TDRD9: variants seen among roughly 807,000 people sequenced by gnomAD.
The protein encoded by TDRD9 is ATP-dependent RNA helicase TDRD9.
A neutral mutation model predicts 172.6 loss-of-function variants in TDRD9; 124 were observed. The ratio of observed to expected loss-of-function variants is 0.72; its 90% confidence interval spans 0.62 to 0.83. TDRD9 has a LOEUF of 0.83. TDRD9 is among the 40% of genes least tolerant of loss of function. The pLI is 0.00. For synonymous variants in TDRD9, 619 were observed against 617.1 expected (o/e 1.00, Z -0.05); for missense variants, 1,479 against 1,714.1 (o/e 0.86, Z 2.42).
At chr14:104,038,467 G>C (rs570540039) in intron 32 of TDRD9, among the ~76,000 whole-genome samples, 67 of 152,318 alleles carry the variant, frequency 4.4e-4, no homozygotes, top group African/African-American at 1.5e-3. Flanking sequence ...ATGGCTTGTT[G>C]TGTTCCCAAT....
intron 11 of TDRD9, among the ~76,000 whole-genome samples, chr14:103,995,217 C>A (rs10132153): frequency 0.38 from 58,326 of 152,026 alleles, 11,398 homozygotes; most frequent in African/African-American, 0.43. Flanking sequence ...GGTTAGAAGC[C>A]ATATTCTAGG....
chr14:103,956,149 T>TATATATATATATATATATATATATATAA (rs1566738502), intron 2 of TDRD9, among the ~76,000 whole-genome samples: 1 of 102,074 alleles, frequency 9.8e-6, no homozygotes, highest in Non-Finnish European at 1.9e-5. Context: ...TATATATATA[T>TATATATATATATATATATATATATATAA]AATTATTAGG....
At position 103,980,064 on chromosome 14, in the gene TDRD9, A is replaced by C. The variant is rs1401804324; in HGVS notation, c.1011+4511A>C. Among the ~76,000 whole-genome samples the C allele has an allele frequency of 1.3e-5, 2 of 151,874 alleles. No homozygotes were observed. Among genetic ancestry groups the C allele is most frequent in the African/African-American group, 4.8e-5 (2 of 41,306 alleles). On this transcript the variant is annotated intron_variant, in intron 7 of 35. Coordinates refer to ENST00000409874, the MANE Select transcript of TDRD9 (RefSeq NM_153046.3). This position sits in a 1 kb window ranked among gnomAD's most constrained non-coding sequence, Gnocchi z 4.5. ...CTAATTAAAAAAAATTTTTTTGTGG[A>C]GATAGGGTCTTGCTATGTTGTCCAG...
chr14:103,966,542 A>G (rs2032755606), intron 4 of TDRD9, among the ~76,000 whole-genome samples, 167 bp from the exon 5 acceptor site: 1 of 151,642 alleles, frequency 6.6e-6, no homozygotes, highest in Admixed American at 6.6e-5. Flanking sequence ...CTCCCCCCAA[A>G]AAAGAAGAAA....
intron 6 of TDRD9, among the ~76,000 whole-genome samples, chr14:103,972,399 A>G (rs1253464692): frequency 2.6e-5 from 4 of 152,264 alleles, no homozygotes; most frequent in South Asian, 2.1e-4. Context: ...ATTTGAGAAC[A>G]GAGTATGTAC....
intron 5 of TDRD9, among the ~76,000 whole-genome samples, chr14:103,967,347 C>CAAAAAAAAA (rs11444885): frequency 2.2e-4 from 11 of 49,732 alleles, no homozygotes; most frequent in African/African-American, 4.8e-4. Context: ...ACTAAAAATA[C>CAAAAAAAAA]AAAAAAAAAA....
chr14:104,040,607 C>A (rs766443379), intron 33 of TDRD9, among the ~76,000 whole-genome samples: 1 of 152,188 alleles, frequency 6.6e-6, no homozygotes, highest in African/African-American at 2.4e-5. Flanking sequence ...CTTTTCTGGG[C>A]AATCAGCTAA....
rs990586768 is a variant in TDRD9, at chr14:103,965,429, T to C, written c.517T>C (p.Tyr173His). 1 of 1,551,652 alleles carries C rather than the reference T, an allele frequency of 6.4e-7. No individual in the cohort carries two copies. The highest frequency in any genetic ancestry group is 1.4e-5 in the African/African-American group (1 of 73,152). The change falls in exon 4 of 36, where the codon TAC (tyrosine) becomes CAC (histidine). Residue 173 changes from tyrosine (Y) to histidine (H), a missense_variant. Transcript: ENST00000409874. ...TQLPQYILDH[Y>H]VQRSAYCSIV... is the part of the protein sequence containing the mutation. The stretch of plus-strand genomic sequence containing the variant: ...GCTCCCGCAGTATATCTTGGACCAC[T>C]ACGTTCAGCGCTCCGCCTACTGCAG...
chr14:103,966,651 A>C (rs2032760684), intron 4 of TDRD9, 58 bp from the exon 5 acceptor site: 8 of 1,438,726 alleles, frequency 5.6e-6, no homozygotes, highest in African/African-American at 1.4e-5. Context: ...ATATTAATAA[A>C]ATGGACATAA....
chr14:103,933,348 C>T (rs2030531363), intron 1 of TDRD9, among the ~76,000 whole-genome samples: 1 of 152,168 alleles, frequency 6.6e-6, no homozygotes, highest in Non-Finnish European at 1.5e-5. Flanking sequence ...GTGCTTTCTG[C>T]CGTGTACTTT....
chr14:104,024,666 A>C lies in TDRD9; in HGVS notation c.2704A>C (p.Ile902Leu). The change falls in exon 25 of 36, where the codon ATT becomes CTT. Residue 902 changes from isoleucine to leucine, a missense_variant. This residue lies in a region of TDRD9 where 1,413 missense variants were observed against 1,649.1 expected (regional missense o/e 0.86). Coordinates refer to ENST00000409874, the MANE Select transcript of TDRD9 (RefSeq NM_153046.3). ...GACAGTTACAGATCTCCTTCTAACT[A>C]TTGATGTCACAGAGGTAAGGATGAA... The part of the protein sequence containing the change: ...SQTVTDLLLT[I>L]DVTEVVEVGH... 6.2e-7 allele frequency: 1 copy of C among 1,600,046 alleles called. No homozygotes were observed. Among genetic ancestry groups the C allele is most frequent in the Admixed American group, 1.7e-5 (1 of 59,600 alleles).
At chr14:103,962,965 AGTGT>A (rs55873775) in intron 2 of TDRD9, 110 bp from the exon 3 acceptor site, 77 of 404,632 alleles carry the variant, frequency 1.9e-4, no homozygotes, top group Admixed American at 3.2e-4. Context: ...TTTGTATTTG[AGTGT>A]GTGTGTGTGT....
chr14:103,959,547 A>G (rs2032410138), intron 2 of TDRD9, among the ~76,000 whole-genome samples: 1 of 151,486 alleles, frequency 6.6e-6, no homozygotes, highest in African/African-American at 2.4e-5. Flanking sequence ...TATTAAAACC[A>G]TGAGATTACA....
At position 103,999,640 on chromosome 14, in the gene TDRD9, TAGAAAACC is replaced by T. The variant is rs1226783958; in HGVS notation, c.1483+913_1483+920del. Among the ~76,000 whole-genome samples the T allele has an allele frequency of 1.6e-3, 202 of 126,886 alleles. 2 individuals are homozygous for T. Among genetic ancestry groups the T allele is most frequent in the Middle Eastern group, 4.2e-3 (1 of 238 alleles). 83.2% of individuals were successfully genotyped at this position (126,886 alleles called of 152,430 possible). On this transcript the variant is annotated intron_variant, in intron 13 of 35. Coordinates refer to ENST00000409874, the MANE Select transcript of TDRD9 (RefSeq NM_153046.3). ...GTGGCTTTTTTTTTTGTTTGTTTTT[TAGAAAACC>T]TTTTGGGAAGGGTAGATAAAAGACC...
chr14:104,025,826 G>A lies in TDRD9; in HGVS notation c.2931+50G>A, dbSNP rs77647582. The A allele has an allele frequency of 3.5e-3, 4,807 of 1,392,962 alleles. 221 individuals are homozygous for A. In the East Asian group the frequency reaches 0.093, roughly 27 times the overall value. The allele number at this position is 1,392,962 out of a possible 1,614,324, so 86.3% of individuals were successfully genotyped here. A position where few individuals can be genotyped will look rare whatever the true frequency, so the allele number is the denominator to read the frequency against. ...TGGAAGGGAAATGAGACAGACAGAC[G>A]TACAGCAGTTTATCAAATATCTTTT... On this transcript the variant is annotated intron_variant, in intron 26 of 35. Transcript: ENST00000409874.
chr14:104,035,604 G>A lies in TDRD9; in HGVS notation c.3716+548G>A, dbSNP rs995909619. On this transcript the variant is annotated intron_variant, in intron 32 of 35. Coordinates refer to ENST00000409874, the MANE Select transcript of TDRD9 (RefSeq NM_153046.3). Reference sequence around the variant, plus strand: ...CACCCTCACAGTGGGGGCTGCTGCCGTGTAAGGTTTTGTTTGCAGACTAGG... The same window carrying A: ...CACCCTCACAGTGGGGGCTGCTGCCATGTAAGGTTTTGTTTGCAGACTAGG... Among the ~76,000 whole-genome samples the A allele has an allele frequency of 2.0e-5, 3 of 152,252 alleles. No individual in the cohort carries two copies. The South Asian group carries it at 6.2e-4, about 31-fold the overall frequency.
In TDRD9 at chr14:104,032,292, C is replaced by T. The variant is rs541431991; in HGVS notation, c.3509+205C>T. 5.3e-5 allele frequency among the ~76,000 whole-genome samples: 8 copies of T among 152,152 alleles called. No individual in the cohort carries two copies. The South Asian group carries it at 6.2e-4, about 12-fold the overall frequency. Reference sequence around the variant, plus strand: ...CGCAATCTTGGCTCACTGCAACCTCCGCCTCCCAGATTCAAGCAATTCTCC... The same window carrying T: ...CGCAATCTTGGCTCACTGCAACCTCTGCCTCCCAGATTCAAGCAATTCTCC... On this transcript the variant is annotated intron_variant, in intron 30 of 35. Coordinates refer to ENST00000409874, the MANE Select transcript of TDRD9 (RefSeq NM_153046.3).
At chr14:104,010,439 T>A (rs8004769) in intron 20 of TDRD9, among the ~76,000 whole-genome samples, 40,435 of 152,044 alleles carry the variant, frequency 0.27, 5,767 homozygotes, top group Non-Finnish European at 0.33. Flanking sequence ...CCACATCTTG[T>A]CCACTGGAAG....
At chr14:103,929,562 C>T (rs541918296) in intron 1 of TDRD9, among the ~76,000 whole-genome samples, 5 of 152,002 alleles carry the variant, frequency 3.3e-5, no homozygotes, top group Admixed American at 2.6e-4. Flanking sequence ...CTTTGTTACC[C>T]AGGCTGGAGT....
Sources: gnomAD v4.1 joint callset for allele counts (sites outside exome capture counted in the v4.1 genomes callset) on GRCh38, gnomAD v4.1.1 for gene constraint, gnomAD v4.1.1 regional missense constraint, Gnocchi (gnomAD v3.1) non-coding constraint, MANE v1.5 for transcripts, NCBI Gene and HGNC (gene_info 2026-07-23, HGNC 2026-07-21) for gene names.